The following PTMA variants were observed in gnomAD, a reference collection of about 807,000 sequenced individuals.
PTMA encodes the protein prothymosin alpha, also known as gene sequence 28.
In PTMA, 4 loss-of-function variants were observed where a neutral mutation model predicts 16.9. The observed-to-expected ratio is 0.24, with a 90% CI of 0.12 to 0.54. The LOEUF is 0.54. PTMA is among the 20% of genes least tolerant of loss of function. The pLI, the probability that PTMA is intolerant of heterozygous loss-of-function variation, is 0.95. For synonymous variants in PTMA, 58 were observed against 47.9 expected, an observed-to-expected ratio of 1.21 and a Z score of -0.87; for missense variants, 120 against 137.7, an observed-to-expected ratio of 0.87 and a Z score of 0.64.
At position 231,711,475 on chromosome 2, in the gene PTMA, C is replaced by A. The variant is rs973094479; in HGVS notation, c.117+56C>A. On this transcript the variant is annotated intron_variant, in intron 2 of 4. Coordinates refer to ENST00000409115, the MANE Select transcript of PTMA (RefSeq NM_002823.5). ...CAGCTACCGCCCCACAAAATTTTTC[C>A]TGTTCTACTTTAAACATACCTATAT... 5.9e-5 allele frequency: 90 copies of A among 1,537,040 alleles called. 1 individual carries two copies. The South Asian group carries it at 8.8e-4, about 15-fold the overall frequency.
chr2:231,708,765 C>A lies in PTMA; in HGVS notation c.45+14C>A. ...ATCACCACCAAGGTGAGGCTGGACG[C>A]CGCCCGCCCCCTCGGGGTCCGCGCG... On this transcript the variant is annotated intron_variant, in intron 1 of 4. Coordinates refer to ENST00000409115, the MANE Select transcript of PTMA (RefSeq NM_002823.5). 6.2e-7 allele frequency: 1 copy of A among 1,600,558 alleles called. No individual in the cohort carries two copies. Among genetic ancestry groups the A allele is most frequent in the Non-Finnish European group, 8.5e-7 (1 of 1,178,874 alleles).
At chr2:231,708,870 C>T in intron 1 of PTMA, 119 bp downstream of exon 1, 1 of 1,246,342 alleles carries the variant, frequency 8.0e-7, no homozygotes, top group Non-Finnish European at 1.1e-6. Flanking sequence ...GGGAAACGGC[C>T]CGCCCCCGGC....
intron 1 of PTMA, among the ~76,000 whole-genome samples, chr2:231,709,027 A>T (rs2048478843): frequency 6.6e-6 from 1 of 152,026 alleles, no homozygotes; most frequent in Non-Finnish European, 1.5e-5. Flanking sequence ...GGCCCTCGAA[A>T]CTCGTCTGTG....
intron 1 of PTMA, chr2:231,710,498 G>GGT: frequency 9.5e-7 from 1 of 1,054,232 alleles, no homozygotes; most frequent in Non-Finnish European, 1.3e-6. Flanking sequence ...AGCGGGGCGG[G>GGT]CCGGACTGAG....
Position 231,709,796 on chromosome 2 carries a change from TTC to T in PTMA, c.45+1047_45+1048del, listed in dbSNP as rs2048492919. On this transcript the variant is annotated intron_variant, in intron 1 of 4. Transcript: ENST00000409115. ...GGGCGCTCTCAGACTGACTGGCTCT[TTC>T]TTAATATTTCGGCCCTCGTCCGCGC... 3 of 167,208 alleles carry T rather than the reference TTC, an allele frequency of 1.8e-5. No homozygotes were observed. The East Asian group carries it at 4.8e-4, about 27-fold the overall frequency. The allele number at this position is 167,208 out of a possible 1,614,324, so 10.4% of individuals were successfully genotyped here.
At position 231,711,426 on chromosome 2, in the gene PTMA, G is replaced by A. The variant is rs2048517105; in HGVS notation, c.117+7G>A. On this transcript the variant is annotated splice_region_variant and intron_variant, in intron 2 of 4. Coordinates refer to ENST00000409115, the MANE Select transcript of PTMA (RefSeq NM_002823.5). ...CCCTGCTAACGGGAATGCTGTGAGT[G>A]TCTGCTTTGCTCCTGAGCCCTGGCA... 3.7e-6 allele frequency: 6 copies of A among 1,613,900 alleles called. No homozygotes were observed. The East Asian group carries it at 6.7e-5, about 18-fold the overall frequency.
At position 231,710,804 on chromosome 2, in the gene PTMA, C is replaced by T. The variant is rs144176786; in HGVS notation, c.46-544C>T. ...GGAACAGCGGTCGGATTTGGGGGGT[C>T]GGTGTGCTTTGGCTTTTTTAGATAC... is the stretch of plus-strand genomic sequence containing the variant. On this transcript the variant is annotated intron_variant, in intron 1 of 4. Transcript: ENST00000409115. 7 of 310,806 alleles carry T rather than the reference C, an allele frequency of 2.3e-5. No individual in the cohort carries two copies. The East Asian group carries it at 4.6e-4, about 20-fold the overall frequency. The allele number at this position is 310,806 out of a possible 1,614,324, so 19.3% of individuals were successfully genotyped here. A position where few individuals can be genotyped will look rare whatever the true frequency, so the allele number is the denominator to read the frequency against.
chr2:231,708,563 T>A lies in PTMA; in HGVS notation c.-144T>A. ...CTCTGAAAAGCCATCTTTGCATTGT[T>A]CCTCATCCGCCTCCTTGCTCGCCGC... is the stretch of plus-strand genomic sequence containing the variant. On this transcript the variant is annotated 5_prime_UTR_variant, in exon 1 of 5. Coordinates refer to ENST00000409115, the MANE Select transcript of PTMA (RefSeq NM_002823.5). The A allele has an allele frequency of 1.1e-6, 1 of 933,470 alleles. No individual in the cohort carries two copies. The highest frequency in any genetic ancestry group is 1.7e-6 in the Non-Finnish European group (1 of 592,298). 57.8% of individuals were successfully genotyped at this position (933,470 alleles called of 1,614,324 possible).
chr2:231,709,359 C>T (rs191049599), intron 1 of PTMA, among the ~76,000 whole-genome samples: 1 of 152,184 alleles, frequency 6.6e-6, no homozygotes, highest in Non-Finnish European at 1.5e-5. Context: ...CGGGCTTATC[C>T]GCTTTGGGCG....
intron 1 of PTMA, chr2:231,710,993 A>G: frequency 4.2e-6 from 1 of 240,828 alleles, no homozygotes; most frequent in South Asian, 4.9e-5. Flanking sequence ...ACTTGGAAGC[A>G]GGCTGATGGG....
At chr2:231,710,478 C>T (rs1299613322) in intron 1 of PTMA, 1 of 1,066,856 alleles carries the variant, frequency 9.4e-7, no homozygotes, top group Non-Finnish European at 1.2e-6. Flanking sequence ...AGCCGGGGTC[C>T]GCGGAGCGGA....
intron 1 of PTMA, 39 bp from the exon 2 acceptor site, chr2:231,711,309 A>G (rs2048515305): frequency 6.3e-7 from 1 of 1,576,348 alleles, no homozygotes; most frequent in Non-Finnish European, 8.7e-7. Context: ...GGTTGCTCAG[A>G]AGACTTACTG....
At chr2:231,710,793 A>AT (rs1210660667) in intron 1 of PTMA, 4 of 319,518 alleles carry the variant, frequency 1.3e-5, no homozygotes, top group Non-Finnish European at 2.5e-5. Context: ...CAGCGGTCGG[A>AT]TTTGGGGGGT....
intron 1 of PTMA, among the ~76,000 whole-genome samples, chr2:231,709,293 C>T (rs1427483869): frequency 2.6e-5 from 4 of 152,020 alleles, no homozygotes; most frequent in African/African-American, 4.8e-5. Flanking sequence ...CCCGATAAGG[C>T]GGATGGGGCG....
In PTMA at chr2:231,711,188, G is replaced by T. The variant is rs1448710244; in HGVS notation, c.46-160G>T. On this transcript the variant is annotated intron_variant, in intron 1 of 4. Transcript: ENST00000409115. ...CGCCGGCCTTCCTTCCACCAGACCAGTGGGAGAGGGACCGCAGGGGCATCA... is the reference window on the plus strand; with the variant it reads ...CGCCGGCCTTCCTTCCACCAGACCATTGGGAGAGGGACCGCAGGGGCATCA... 5 of 619,304 alleles carry T rather than the reference G, an allele frequency of 8.1e-6. No homozygotes were observed. The East Asian group carries it at 1.4e-4, about 17-fold the overall frequency. 38.4% of individuals were successfully genotyped at this position (619,304 alleles called of 1,614,324 possible).
chr2:231,712,695 C>A, intron 4 of PTMA, 109 bp from the exon 5 acceptor site: 1 of 1,403,886 alleles, frequency 7.1e-7, no homozygotes, highest in Non-Finnish European at 9.8e-7. Context: ...AGGCCTTGGG[C>A]TGTGGAGCTG....
intron 2 of PTMA, 25 bp downstream of exon 2, chr2:231,711,444 C>A (rs1373650642): frequency 1.9e-6 from 3 of 1,610,912 alleles, no homozygotes; most frequent in Non-Finnish European, 2.5e-6. Flanking sequence ...TGCTCCTGAG[C>A]CCTGGCAGCT....
chr2:231,710,531 C>T (rs1326531073), intron 1 of PTMA: 1 of 785,358 alleles, frequency 1.3e-6, no homozygotes, highest in Admixed American at 2.5e-5. Context: ...TGGCCCGGAG[C>T]CGCTCGCCGG....
intron 1 of PTMA, chr2:231,709,940 G>GC: frequency 1.6e-6 from 1 of 623,638 alleles, no homozygotes; most frequent in Non-Finnish European, 2.3e-6. Context: ...GGAGCTCGGG[G>GC]CCCGGATCTC....
Sources: allele counts gnomAD v4.1 joint callset (sites outside exome capture counted in the v4.1 genomes callset), GRCh38; gene constraint gnomAD v4.1.1; transcripts MANE v1.5; gene names NCBI Gene and HGNC (gene_info 2026-07-23, HGNC 2026-07-21).